Variants in ANKRD30B observed in about 807,000 individuals in gnomAD.
The protein encoded by ANKRD30B is ankyrin repeat domain-containing protein 30B.
Under a neutral mutation model 202.2 loss-of-function variants are expected in ANKRD30B, and 144 were observed. That is an observed-to-expected ratio of 0.71 (90% confidence interval 0.62 to 0.82). The LOEUF is 0.82. Ranked by LOEUF, ANKRD30B falls within the 40% of genes least tolerant of loss-of-function variation. The pLI, the probability that ANKRD30B is intolerant of heterozygous loss-of-function variation, is 0.00. For missense variants in ANKRD30B, 1,487 were observed against 1,669.1 expected, an observed-to-expected ratio of 0.89 and a Z score of 1.90; for synonymous variants, 508 against 561.3, an observed-to-expected ratio of 0.91 and a Z score of 1.34.
intron 16 of ANKRD30B, among the ~76,000 whole-genome samples, chr18:14,794,958 A>T (rs1968773503): frequency 1.3e-5 from 2 of 152,224 alleles, no homozygotes; most frequent in South Asian, 4.1e-4. Flanking sequence ...TTTCAAAGAA[A>T]TGTCTGTTTT....
the ANKRD30B span, among the ~76,000 whole-genome samples, chr18:14,859,830 G>A: frequency 2.0e-5 from 1 of 50,456 alleles, no homozygotes; most frequent in Non-Finnish European, 4.1e-5. Flanking sequence ...GGGCAGAGGC[G>A]CTCTTCACTT....
At chr18:14,868,316 C>G in the ANKRD30B span, among the ~76,000 whole-genome samples, 1 of 152,274 alleles carries the variant, frequency 6.6e-6, no homozygotes, top group African/African-American at 2.4e-5. Flanking sequence ...GGAGTCCTCC[C>G]CCTTCTCCTG....
chr18:14,763,897 A>G lies in ANKRD30B; in HGVS notation c.1032A>G (p.Lys344=). Residue 344 remains lysine, a synonymous_variant, in exon 7 of 44, where the codon AAA becomes AAG. Coordinates refer to ENST00000690538, the MANE Select transcript of ANKRD30B (RefSeq NM_001367607.2). ...ETPRKILRPT[K]ETSEKFSWPA... ...CTAGGAAAATTTTGAGGCCTACAAAAGAAACATCTGAGAAATTTTCATGGC... is the reference window on the plus strand; with the variant it reads ...CTAGGAAAATTTTGAGGCCTACAAAGGAAACATCTGAGAAATTTTCATGGC... 6.2e-7 allele frequency: 1 copy of G among 1,612,328 alleles called. No individual in the cohort carries two copies. Among genetic ancestry groups the G allele is most frequent in the Non-Finnish European group, 8.5e-7 (1 of 1,179,092 alleles).
intron 10 of ANKRD30B, among the ~76,000 whole-genome samples, chr18:14,778,541 T>A (rs1289675651): frequency 6.6e-6 from 1 of 152,172 alleles, no homozygotes; most frequent in Non-Finnish European, 1.5e-5. Flanking sequence ...TGGGAAGGCA[T>A]TAGGGATGGA....
At chr18:14,866,283 C>T in the ANKRD30B span, among the ~76,000 whole-genome samples, 2 of 152,142 alleles carry the variant, frequency 1.3e-5, no homozygotes, top group Admixed American at 6.5e-5. Context: ...GCTCGTCTCA[C>T]TCTAGATGGT....
chr18:14,806,080 C>T (rs1488314825), intron 24 of ANKRD30B, among the ~76,000 whole-genome samples: 3 of 149,734 alleles, frequency 2.0e-5, no homozygotes, highest in Admixed American at 1.3e-4. Flanking sequence ...ATTAGCCGGG[C>T]GTGGCGGTGG....
chr18:14,767,589 G>A (rs1353710329), intron 7 of ANKRD30B, among the ~76,000 whole-genome samples: 1 of 152,100 alleles, frequency 6.6e-6, no homozygotes, highest in African/African-American at 2.4e-5. Context: ...TGTGGTGTTA[G>A]GCTACTAATT....
At chr18:14,881,946 A>G in the ANKRD30B span, among the ~76,000 whole-genome samples, 1 of 152,052 alleles carries the variant, frequency 6.6e-6, no homozygotes, top group South Asian at 2.1e-4. Context: ...TGTCAGTTGT[A>G]ATATCCCCTG....
the ANKRD30B span, among the ~76,000 whole-genome samples, chr18:14,873,280 CT>C: frequency 3.9e-5 from 6 of 152,042 alleles, no homozygotes; most frequent in Non-Finnish European, 8.8e-5. Flanking sequence ...AATCCCAGCA[CT>C]TGGGGAGGCC....
Position 14,757,812 on chromosome 18 carries a change from TAGCAC to T in ANKRD30B, c.619_623del (p.Thr207ProfsTer7). The T allele has an allele frequency of 6.2e-7, 1 of 1,610,942 alleles. No individual in the cohort carries two copies. The highest frequency in any genetic ancestry group is 8.5e-7 in the Non-Finnish European group (1 of 1,179,072). The stretch of plus-strand genomic sequence containing the variant: ...ATAATAAGTTATCTCTTTGTTATTT[TAGCAC>T]AGCCCTCATGCTTGCCATATGTGAA... On this transcript the variant is annotated splice_acceptor_variant and coding_sequence_variant, in exon 5 of 44. Transcript: ENST00000690538. LOFTEE classifies it high-confidence loss of function.
intron 39 of ANKRD30B, among the ~76,000 whole-genome samples, 164 bp from the exon 40 acceptor site, chr18:14,848,550 GTT>G (rs1159848507): frequency 7.0e-6 from 1 of 142,432 alleles, no homozygotes; most frequent in African/African-American, 2.6e-5. Context: ...CAAGAGCAGA[GTT>G]TTTTTTTTTC....
Position 14,763,920 on chromosome 18 carries a change from G to A in ANKRD30B, c.1055G>A (p.Trp352Ter), listed in dbSNP as rs200149875. The A allele has an allele frequency of 2.6e-5, 42 of 1,610,460 alleles. 1 individual carries two copies. In the African/African-American group the frequency reaches 5.2e-4, roughly 20 times the overall value. ...PTKETSEKFS[W>*]PAKERSRKIT... is the part of the protein sequence containing the mutation. ...AAAGAAACATCTGAGAAATTTTCAT[G>A]GCCAGCAAAAGAAAGATCTAGGAAG... The change falls in exon 7 of 44, where the codon TGG becomes TAG. Residue 352 changes from tryptophan (W) to a stop codon, truncating the protein, a stop_gained. Coordinates refer to ENST00000690538, the MANE Select transcript of ANKRD30B (RefSeq NM_001367607.2). LOFTEE classifies it high-confidence loss of function.
intron 1 of ANKRD30B, among the ~76,000 whole-genome samples, chr18:14,750,749 C>A (rs1386052652): frequency 1.3e-5 from 2 of 152,040 alleles, no homozygotes; most frequent in Non-Finnish European, 2.9e-5. Flanking sequence ...AAGGTAGAAA[C>A]ATATACGGAA....
At chr18:14,838,093 A>T (rs9797454) in intron 36 of ANKRD30B, among the ~76,000 whole-genome samples, 50,469 of 152,232 alleles carry the variant, frequency 0.33, 8,825 homozygotes, top group Non-Finnish European at 0.39. Context: ...CCAAGTAGAT[A>T]ACATCTGCAT....
the ANKRD30B span, among the ~76,000 whole-genome samples, chr18:14,931,539 C>G: frequency 6.6e-6 from 1 of 152,190 alleles, no homozygotes; most frequent in Non-Finnish European, 1.5e-5. Context: ...GACCTTAGCT[C>G]TAGCAGTGTA....
chr18:14,779,166 G>C (rs1967565168), intron 10 of ANKRD30B, among the ~76,000 whole-genome samples: 1 of 152,130 alleles, frequency 6.6e-6, no homozygotes, highest in South Asian at 2.1e-4. Flanking sequence ...CACTTCAGAT[G>C]CATTTAGAAT....
the ANKRD30B span, among the ~76,000 whole-genome samples, chr18:14,928,260 G>A: frequency 2.0e-5 from 3 of 152,266 alleles, no homozygotes; most frequent in South Asian, 4.1e-4. Flanking sequence ...GAGTCACCAC[G>A]CCTGGCCATG....
the ANKRD30B span, among the ~76,000 whole-genome samples, chr18:14,887,639 C>T: frequency 6.6e-6 from 1 of 151,564 alleles, no homozygotes; most frequent in African/African-American, 2.4e-5. Context: ...TAGTGTCAGT[C>T]ACAAAGGGGA....
intron 16 of ANKRD30B, among the ~76,000 whole-genome samples, chr18:14,791,939 T>C (rs1968542550): frequency 6.6e-6 from 1 of 152,118 alleles, no homozygotes; most frequent in South Asian, 2.1e-4. Flanking sequence ...ACCAGAGAAT[T>C]ACAGCAAAAA....
Sources: gnomAD v4.1 joint callset for allele counts (sites outside exome capture counted in the v4.1 genomes callset) on GRCh38, gnomAD v4.1.1 for gene constraint, MANE v1.5 for transcripts, NCBI Gene and HGNC (gene_info 2026-07-23, HGNC 2026-07-21) for gene names.